SPEN: variants seen among roughly 807,000 people sequenced by gnomAD.
The protein encoded by SPEN is msx2-interacting protein.
In SPEN, 18 loss-of-function variants were observed where a neutral mutation model predicts 269.9. The observed-to-expected ratio is 0.07, with a 90% CI of 0.05 to 0.10. The LOEUF (loss-of-function observed/expected upper bound fraction) is 0.10, where lower values mean the gene tolerates loss of function less well. SPEN is among the 10% of genes least tolerant of loss of function. SPEN has a pLI of 1.00. For synonymous variants in SPEN, 1,726 were observed against 1,765.7 expected (o/e 0.98, Z 0.56); for missense variants, 3,822 against 4,631.2 (o/e 0.83, Z 5.07).
At chr1:15,920,428 A>C (rs1039239661) in intron 8 of SPEN, among the ~76,000 whole-genome samples, 3 of 152,226 alleles carry the variant, frequency 2.0e-5, no homozygotes, top group African/African-American at 7.2e-5. Context: ...CCTGTATAAA[A>C]AAATCCACAG....
At chr1:15,897,641 C>T (rs944337473) in intron 3 of SPEN, among the ~76,000 whole-genome samples, 7 of 151,986 alleles carry the variant, frequency 4.6e-5, no homozygotes, top group Non-Finnish European at 7.4e-5. Flanking sequence ...GGATTACAGG[C>T]GTGGGCCACC....
At chr1:15,925,977 G>A (rs2071162224) in intron 10 of SPEN, among the ~76,000 whole-genome samples, 1 of 152,138 alleles carries the variant, frequency 6.6e-6, no homozygotes, top group African/African-American at 2.4e-5. Flanking sequence ...GAGCTGCCTC[G>A]TCACTATTTA....
chr1:15,936,954 A>G (rs2071281135), intron 11 of SPEN, among the ~76,000 whole-genome samples: 1 of 152,100 alleles, frequency 6.6e-6, no homozygotes, highest in African/African-American at 2.4e-5. Context: ...CTTGCTGGGT[A>G]GCATCAGCAG....
Position 15,939,161 on chromosome 1 carries a change from G to A in SPEN, c.10864-135G>A. On this transcript the variant is annotated intron_variant, in intron 14 of 14. Coordinates refer to ENST00000375759, the MANE Select transcript of SPEN (RefSeq NM_015001.3). The surrounding 1 kb of genome is among the most constrained non-coding windows in gnomAD (Gnocchi z 4.1). ...CCTGCTAGGTCTTCCAGTAGACATAGTCCTGGCACATTTGCTGGTTGGGGA... is the reference window on the plus strand; with the variant it reads ...CCTGCTAGGTCTTCCAGTAGACATAATCCTGGCACATTTGCTGGTTGGGGA... 3 of 1,265,060 alleles carry A rather than the reference G, an allele frequency of 2.4e-6. No individual in the cohort carries two copies. The South Asian group carries it at 4.7e-5, about 20-fold the overall frequency. 78.4% of individuals were successfully genotyped at this position (1,265,060 alleles called of 1,614,324 possible).
chr1:15,868,167 T>TTATTTATATACATATATA (rs1232978039), intron 1 of SPEN, among the ~76,000 whole-genome samples: 2 of 150,660 alleles, frequency 1.3e-5, no homozygotes, highest in Admixed American at 6.6e-5. Flanking sequence ...ATATATTTAT[T>TTATTTATATACATATATA]TATTTATATA....
At chr1:15,897,365 C>CTT (rs1010814283) in intron 3 of SPEN, among the ~76,000 whole-genome samples, 8 of 138,288 alleles carry the variant, frequency 5.8e-5, no homozygotes, top group African/African-American at 1.3e-4. Context: ...ATTTTTCTTT[C>CTT]TTTTTTTTTT....
At position 15,935,170 on chromosome 1, in the gene SPEN, A is replaced by G. The variant is rs770906606; in HGVS notation, c.8930A>G (p.Asn2977Ser). 6.2e-7 allele frequency: 1 copy of G among 1,613,978 alleles called. No individual in the cohort carries two copies. The highest frequency in any genetic ancestry group is 8.5e-7 in the Non-Finnish European group (1 of 1,179,950). ...KIETKVLQPANLGSTLTPHHP... is the reference protein window; with the variant it reads ...KIETKVLQPASLGSTLTPHHP... ...GAGACCAAGGTCCTTCAGCCGGCCA[A>G]CCTGGGGTCCACGCTCACGCCCCAC... is the stretch of plus-strand genomic sequence containing the variant. Residue 2977 changes from asparagine (N) to serine (S), a missense_variant, in exon 11 of 15, where the codon AAC becomes AGC. Physicochemically the swap from Asn to Ser is conservative, Grantham distance 46. Coordinates refer to ENST00000375759, the MANE Select transcript of SPEN (RefSeq NM_015001.3). This position sits in a 1 kb window ranked among gnomAD's most constrained non-coding sequence, Gnocchi z 7.7.
At chr1:15,874,355 T>C in intron 2 of SPEN, 1 of 1,366,416 alleles carries the variant, frequency 7.3e-7, no homozygotes, top group Non-Finnish European at 9.8e-7. Context: ...TCTCCCTAGA[T>C]TTAATTGGGA....
At chr1:15,872,056 G>A (rs2070582328) in intron 1 of SPEN, among the ~76,000 whole-genome samples, 1 of 151,528 alleles carries the variant, frequency 6.6e-6, no homozygotes, top group Non-Finnish European at 1.5e-5. Flanking sequence ...GCAACATGGC[G>A]AAACCCCATC....
Position 15,933,091 on chromosome 1 carries a change from C to T in SPEN, c.6851C>T (p.Pro2284Leu). 2 of 1,614,120 alleles carry T rather than the reference C, an allele frequency of 1.2e-6. No individual in the cohort carries two copies. The highest frequency in any genetic ancestry group is 1.7e-6 in the Non-Finnish European group (2 of 1,179,982). ...ETEAATESSR[P>L]PVNAPDPSAG... ...GAGGCTGCTACAGAATCTTCTAGGC[C>T]TCCAGTCAATGCTCCTGACCCCTCA... The change falls in exon 11 of 15, where the codon CCT becomes CTT. Residue 2284 changes from proline to leucine, a missense_variant. Pro to Leu is a moderately conservative substitution (Grantham distance 98). Around this residue, in one of 16 missense-constraint regions of SPEN, gnomAD observed 727 missense variants for 737.9 expected, o/e 0.99. Transcript: ENST00000375759. This position sits in a 1 kb window ranked among gnomAD's most constrained non-coding sequence, Gnocchi z 5.7.
chr1:15,914,111 T>C (rs1053174398), intron 5 of SPEN, among the ~76,000 whole-genome samples: 1 of 152,202 alleles, frequency 6.6e-6, no homozygotes, highest in African/African-American at 2.4e-5. Flanking sequence ...AGACAGCTAT[T>C]ATGAGTCCTG....
rs555592901 is a variant in SPEN, at chr1:15,911,090, T to G, written c.1043-11T>G. ...GAAGAATTAATAACTTGGTTTTTTTTGGGAATTTAGATACAAGCCTTAAAG... is the reference window on the plus strand; with the variant it reads ...GAAGAATTAATAACTTGGTTTTTTTGGGGAATTTAGATACAAGCCTTAAAG... On this transcript the variant is annotated splice_polypyrimidine_tract_variant and intron_variant, in intron 4 of 14. Transcript: ENST00000375759. 1.7e-4 allele frequency: 275 copies of G among 1,588,962 alleles called. No individual in the cohort carries two copies. The highest frequency in any genetic ancestry group is 7.2e-4 in the Admixed American group (39 of 53,794).
intron 3 of SPEN, among the ~76,000 whole-genome samples, chr1:15,882,142 G>T (rs946322618): frequency 6.6e-6 from 1 of 152,116 alleles, no homozygotes; most frequent in Non-Finnish European, 1.5e-5. Context: ...GTATTTTACT[G>T]GTGAGAACTG....
chr1:15,851,399 A>G (rs1354354572), intron 1 of SPEN, among the ~76,000 whole-genome samples: 1 of 152,174 alleles, frequency 6.6e-6, no homozygotes, highest in Non-Finnish European at 1.5e-5. Flanking sequence ...GATTCATTAC[A>G]GGGACACAAT....
At chr1:15,903,737 C>T (rs1406879576) in intron 3 of SPEN, among the ~76,000 whole-genome samples, 2 of 152,170 alleles carry the variant, frequency 1.3e-5, no homozygotes, top group African/African-American at 4.8e-5. Flanking sequence ...TCAAGGGATC[C>T]TCCTGCCTCA....
Position 15,937,808 on chromosome 1 carries a change from G to A in SPEN, c.10510-4G>A, listed in dbSNP as rs769027329. On this transcript the variant is annotated splice_region_variant and splice_polypyrimidine_tract_variant and intron_variant, in intron 12 of 14. Transcript: ENST00000375759. This position sits in a 1 kb window ranked among gnomAD's most constrained non-coding sequence, Gnocchi z 5.7. ...TCACTTCCTGTTTGTTTCCCTGTGAGCAGAAGTACCCCATCGTGTGGCAGG... is the reference window on the plus strand; with the variant it reads ...TCACTTCCTGTTTGTTTCCCTGTGAACAGAAGTACCCCATCGTGTGGCAGG... 1.9e-6 allele frequency: 3 copies of A among 1,613,886 alleles called. No homozygotes were observed. In the Admixed American group the frequency reaches 5.0e-5, roughly 27 times the overall value.
chr1:15,867,672 G>T (rs930049019), intron 1 of SPEN, among the ~76,000 whole-genome samples: 5 of 150,192 alleles, frequency 3.3e-5, no homozygotes, highest in Middle Eastern at 3.5e-3. Flanking sequence ...ATGTATGAGG[G>T]TTCAGATTTC....
rs1415241290 is a variant in SPEN at position 15,873,132 on chromosome 1, G to A, written c.400G>A (p.Asp134Asn). 5.6e-6 allele frequency: 9 copies of A among 1,606,684 alleles called. No individual in the cohort carries two copies. The highest frequency in any genetic ancestry group is 7.7e-6 in the Non-Finnish European group (9 of 1,174,562). ...AREGRYERRL[D>N]GASDNRERAY... ...AGAAGGACGTTATGAGCGGAGACTT[G>A]ATGGGTAAGTTCCAAGGTTTCTGTA... Residue 134 changes from aspartate (D) to asparagine (N), a missense_variant, in exon 2 of 15, where the codon GAT (aspartate) becomes AAT (asparagine). Around this residue, in one of 16 missense-constraint regions of SPEN, gnomAD observed 327 missense variants for 350.8 expected, o/e 0.93. Transcript: ENST00000375759.
In SPEN at chr1:15,934,914, A is replaced by T. The variant is rs144461687; in HGVS notation, c.8674A>T (p.Thr2892Ser). 1.9e-6 allele frequency: 3 copies of T among 1,613,842 alleles called. No individual in the cohort carries two copies. The highest frequency in any genetic ancestry group is 2.5e-6 in the Non-Finnish European group (3 of 1,179,980). The change falls in exon 11 of 15, where the codon ACA becomes TCA. Residue 2892 changes from threonine to serine, a missense_variant. Coordinates refer to ENST00000375759, the MANE Select transcript of SPEN (RefSeq NM_015001.3). The surrounding 1 kb of genome is among the most constrained non-coding windows in gnomAD (Gnocchi z 9.2). ...TTCCACGTTGGTACTGACCGCCCAGACATATAATGCCTCTCCTGTGATTTC... is the reference window on the plus strand; with the variant it reads ...TTCCACGTTGGTACTGACCGCCCAGTCATATAATGCCTCTCCTGTGATTTC... ...THSTLVLTAQ[T>S]YNASPVISSV...
Sources: gnomAD v4.1 joint callset for allele counts (sites outside exome capture counted in the v4.1 genomes callset) on GRCh38, gnomAD v4.1.1 for gene constraint, gnomAD v4.1.1 regional missense constraint, Gnocchi (gnomAD v3.1) non-coding constraint, MANE v1.5 for transcripts, NCBI Gene and HGNC (gene_info 2026-07-23, HGNC 2026-07-21) for gene names.